TSHZ2: variants seen among roughly 807,000 people sequenced by gnomAD.
TSHZ2 encodes teashirt homolog 2.
Under a neutral mutation model 74.4 loss-of-function variants are expected in TSHZ2, and 21 were observed. That is an observed-to-expected ratio of 0.28 (90% confidence interval 0.20 to 0.41). The LOEUF is 0.41. Ranked by LOEUF, TSHZ2 falls within the 10% of genes least tolerant of loss-of-function variation. TSHZ2 has a pLI of 1.00. For synonymous variants in TSHZ2, 540 were observed against 515.3 expected (o/e 1.05, Z -0.65); for missense variants, 1,244 against 1,293.5 (o/e 0.96, Z 0.59).
At chr20:53,173,630 CAATA>C (rs1350374558) in intron 1 of TSHZ2, among the ~76,000 whole-genome samples, 1 of 151,732 alleles carries the variant, frequency 6.6e-6, no homozygotes, top group African/African-American at 2.4e-5. Flanking sequence ...ATAATAATAA[CAATA>C]AAGCAGATCC....
intron 1 of TSHZ2, among the ~76,000 whole-genome samples, chr20:53,238,747 G>C (rs867427344): frequency 3.4e-5 from 5 of 145,802 alleles, no homozygotes. Flanking sequence ...CTGTTCTGTT[G>C]TCTCCTTTCC....
chr20:53,047,083 T>A (rs2123114815), intron 1 of TSHZ2, among the ~76,000 whole-genome samples: 1 of 152,320 alleles, frequency 6.6e-6, no homozygotes, highest in South Asian at 2.1e-4. Context: ...GCTCCAGTGT[T>A]GCAGCTGCTT....
intron 1 of TSHZ2, among the ~76,000 whole-genome samples, chr20:53,243,173 G>A (rs1990112114): frequency 6.6e-6 from 1 of 152,062 alleles, no homozygotes; most frequent in African/African-American, 2.4e-5. Flanking sequence ...ATAGGGAAAG[G>A]GGGAATCTTT....
At chr20:53,019,365 A>G (rs755952881) in intron 1 of TSHZ2, among the ~76,000 whole-genome samples, 4 of 152,102 alleles carry the variant, frequency 2.6e-5, no homozygotes, top group Non-Finnish European at 4.4e-5. Flanking sequence ...TCACTATCCT[A>G]TATGGCAATA....
Position 53,253,774 on chromosome 20 carries a change from A to G in TSHZ2, c.316A>G (p.Lys106Glu), listed in dbSNP as rs376512216. Residue 106 changes from lysine to glutamate, a missense_variant, in exon 2 of 3, where the codon AAG becomes GAG. Around this residue, in one of 6 missense-constraint regions of TSHZ2, gnomAD observed 470 missense variants for 456.5 expected, o/e 1.03. Coordinates refer to ENST00000371497, the MANE Select transcript of TSHZ2 (RefSeq NM_173485.6). ...KSVCGRDASD[K>E]KAHTHVRLPN... ...TGTCTGCGGCAGAGATGCCTCAGACAAGAAAGCACACACTCACGTCAGGCT... is the reference window on the plus strand; with the variant it reads ...TGTCTGCGGCAGAGATGCCTCAGACGAGAAAGCACACACTCACGTCAGGCT... The G allele has an allele frequency of 4.3e-6, 7 of 1,614,100 alleles. No homozygotes were observed. The highest frequency in any genetic ancestry group is 5.9e-6 in the Non-Finnish European group (7 of 1,180,034).
intron 1 of TSHZ2, among the ~76,000 whole-genome samples, chr20:53,038,896 G>GTTTTTTTTTT (rs374364980): frequency 8.5e-5 from 12 of 140,500 alleles, no homozygotes; most frequent in African/African-American, 3.3e-4. Context: ...TTGTTTGTTT[G>GTTTTTTTTTT]TTTGTTTGTT....
At chr20:53,166,503 G>A (rs1297311106) in intron 1 of TSHZ2, among the ~76,000 whole-genome samples, 2 of 152,196 alleles carry the variant, frequency 1.3e-5, no homozygotes, top group East Asian at 1.9e-4. Context: ...AGGAGTGGTG[G>A]CTCATGCATG....
intron 1 of TSHZ2, among the ~76,000 whole-genome samples, chr20:53,174,732 T>C (rs1293392): frequency 0.51 from 78,063 of 151,926 alleles, 21,433 homozygotes; most frequent in African/African-American, 0.71. Context: ...CAAAGGAAAA[T>C]GTAAAATGGA....
intron 1 of TSHZ2, among the ~76,000 whole-genome samples, chr20:53,016,659 G>A (rs2123018962): frequency 6.6e-6 from 1 of 152,242 alleles, no homozygotes; most frequent in South Asian, 2.1e-4. Flanking sequence ...ATAAGTAAGT[G>A]CAAAAAGACA....
In TSHZ2 at chr20:53,441,221, GTTTATTTTATTTTAT is replaced by G. The variant is rs11472706; in HGVS notation, c.*9-45880_*9-45866del. Among the ~76,000 whole-genome samples the G allele has an allele frequency of 5.4e-3, 685 of 125,802 alleles. 5 individuals are homozygous for G. The highest frequency in any genetic ancestry group is 0.02 in the East Asian group (84 of 4,252). The allele number at this position is 125,802 out of a possible 152,430, so 82.5% of individuals were successfully genotyped here. On this transcript the variant is annotated intron_variant, in intron 2 of 2. Coordinates refer to ENST00000371497, the MANE Select transcript of TSHZ2 (RefSeq NM_173485.6). ...TTTCCATTATAACCCTTATTTATTT[GTTTATTTTATTTTAT>G]TTTATTTTATTTTATTTTATTTTAT...
At chr20:53,393,585 C>A (rs931615384) in intron 2 of TSHZ2, among the ~76,000 whole-genome samples, 1 of 151,880 alleles carries the variant, frequency 6.6e-6, no homozygotes. Flanking sequence ...TCTGTTTGTT[C>A]CAAGCAGTCT....
intron 2 of TSHZ2, among the ~76,000 whole-genome samples, chr20:53,383,755 G>A (rs373513060): frequency 3.3e-5 from 5 of 152,036 alleles, no homozygotes; most frequent in African/African-American, 9.6e-5. Context: ...GTGAGACTCC[G>A]TCTCCAAAAA....
chr20:53,015,802 G>T (rs1035646089), intron 1 of TSHZ2, among the ~76,000 whole-genome samples: 2 of 152,138 alleles, frequency 1.3e-5, no homozygotes, highest in Admixed American at 1.3e-4. Flanking sequence ...GGATGGGAGG[G>T]TGAGAAGTGG....
In TSHZ2 at chr20:53,105,058, T is replaced by G. The variant is rs148155781; in HGVS notation, c.40+131725T>G. On this transcript the variant is annotated intron_variant, in intron 1 of 2. Transcript: ENST00000371497. Reference sequence around the variant, plus strand: ...ACGAAGTCACATTTGGTTAGAGATTTCTGCATTCCTAGATGCAGTAGTCAA... The same window carrying G: ...ACGAAGTCACATTTGGTTAGAGATTGCTGCATTCCTAGATGCAGTAGTCAA... Among the ~76,000 whole-genome samples, 52 of 152,322 alleles carry G rather than the reference T, an allele frequency of 3.4e-4. 1 individual carries two copies. Among genetic ancestry groups the G allele is most frequent in the Admixed American group, 6.5e-4 (10 of 15,306 alleles).
intron 2 of TSHZ2, among the ~76,000 whole-genome samples, chr20:53,299,806 A>G (rs1310785238): frequency 6.6e-6 from 1 of 152,210 alleles, no homozygotes; most frequent in African/African-American, 2.4e-5. Context: ...TCATTTTGCA[A>G]CTTAATTCCC....
At position 53,473,937 on chromosome 20, in the gene TSHZ2, C is replaced by T. The variant is rs541304636; in HGVS notation, c.*9-13207C>T. Among the ~76,000 whole-genome samples, 14 of 151,812 alleles carry T rather than the reference C, an allele frequency of 9.2e-5. No homozygotes were observed. The East Asian group carries it at 1.4e-3, about 15-fold the overall frequency. On this transcript the variant is annotated intron_variant, in intron 2 of 2. Transcript: ENST00000371497. ...GGAAGATGAAATGAATGAAATGAAG[C>T]GAGAAGAGAAGTTTAGAGAAAAAAG...
intron 2 of TSHZ2, among the ~76,000 whole-genome samples, chr20:53,426,022 T>C (rs1234414994): frequency 1.3e-5 from 2 of 152,200 alleles, no homozygotes; most frequent in Non-Finnish European, 2.9e-5. Flanking sequence ...CAGTTACCAC[T>C]ATAGGAATTA....
chr20:53,004,423 A>G (rs981840991), intron 1 of TSHZ2, among the ~76,000 whole-genome samples: 6 of 152,222 alleles, frequency 3.9e-5, no homozygotes, highest in African/African-American at 1.4e-4. Flanking sequence ...GCAGTTGACC[A>G]TGTGCGAAAG....
At position 53,135,722 on chromosome 20, in the gene TSHZ2, C is replaced by T. The variant is rs1004999512; in HGVS notation, c.41-117777C>T. 1.9e-4 allele frequency among the ~76,000 whole-genome samples: 29 copies of T among 152,134 alleles called. No individual in the cohort carries two copies. The East Asian group carries it at 2.9e-3, about 15-fold the overall frequency. ...CTCAAGGATCCTCCCACTTCAGCCT[C>T]CAGAAGTGAGGCTGGAACTACAGGT... On this transcript the variant is annotated intron_variant, in intron 1 of 2. Transcript: ENST00000371497.
Sources: allele counts gnomAD v4.1 joint callset (sites outside exome capture counted in the v4.1 genomes callset), GRCh38; gene constraint gnomAD v4.1.1; regional missense constraint gnomAD v4.1.1; transcripts MANE v1.5; gene names NCBI Gene and HGNC (gene_info 2026-07-23, HGNC 2026-07-21).